CAMK1D: variants seen among roughly 807,000 people sequenced by gnomAD.
CAMK1D encodes the protein calcium/calmodulin dependent protein kinase ID.
CAMK1D carries 9 observed loss-of-function variants against 47.7 expected under a neutral mutation model. The observed-to-expected ratio is 0.19, with a 90% CI of 0.11 to 0.33. CAMK1D has a LOEUF of 0.33. Ranked by LOEUF, CAMK1D falls within the 10% of genes least tolerant of loss-of-function variation. CAMK1D has a pLI of 1.00. For synonymous variants in CAMK1D, 184 were observed against 184.9 expected (o/e 0.99, Z 0.04); for missense variants, 291 against 488.7 (o/e 0.60, Z 3.81).
intron 1 of CAMK1D, among the ~76,000 whole-genome samples, chr10:12,421,274 A>C (rs1468855676): frequency 6.6e-6 from 1 of 152,140 alleles, no homozygotes; most frequent in Non-Finnish European, 1.5e-5. Context: ...GCAGAGAAAA[A>C]TCCTATGAAT....
At chr10:12,427,489 G>C (rs568517074) in intron 1 of CAMK1D, among the ~76,000 whole-genome samples, 1 of 152,154 alleles carries the variant, frequency 6.6e-6, no homozygotes, top group South Asian at 2.1e-4. Context: ...AAGTGGCCTG[G>C]GTGACACCGT....
Position 12,391,055 on chromosome 10 carries a change from G to A in CAMK1D, c.92+41145G>A, listed in dbSNP as rs553986730. 4.6e-5 allele frequency among the ~76,000 whole-genome samples: 7 copies of A among 152,206 alleles called. No homozygotes were observed. In the South Asian group the frequency reaches 1.5e-3, roughly 32 times the overall value. On this transcript the variant is annotated intron_variant, in intron 1 of 10. Transcript: ENST00000619168. ...GCAAAAACTCCAGAGCTCAGTGTTGGGCCAACACTGTCTTCTCTCGTGAAT... is the reference window on the plus strand; with the variant it reads ...GCAAAAACTCCAGAGCTCAGTGTTGAGCCAACACTGTCTTCTCTCGTGAAT...
chr10:12,451,611 T>G (rs182387896), intron 1 of CAMK1D, among the ~76,000 whole-genome samples: 1 of 152,364 alleles, frequency 6.6e-6, no homozygotes, highest in African/African-American at 2.4e-5. Flanking sequence ...TTAATAAATA[T>G]TAATTGTCAT....
intron 1 of CAMK1D, among the ~76,000 whole-genome samples, chr10:12,493,727 C>G (rs1190990922): frequency 6.6e-6 from 1 of 152,280 alleles, no homozygotes; most frequent in East Asian, 1.9e-4. Flanking sequence ...CTCCTGACCT[C>G]TGGTGATCTG....
At chr10:12,725,995 G>C (rs911635268) in intron 3 of CAMK1D, among the ~76,000 whole-genome samples, 1 of 151,966 alleles carries the variant, frequency 6.6e-6, no homozygotes, top group Non-Finnish European at 1.5e-5. Flanking sequence ...GATCTCAGGT[G>C]ATCTGCCCAC....
At chr10:12,390,256 A>T (rs1253480043) in intron 1 of CAMK1D, among the ~76,000 whole-genome samples, 1 of 152,154 alleles carries the variant, frequency 6.6e-6, no homozygotes, top group Non-Finnish European at 1.5e-5. Context: ...ATTAAAAAAA[A>T]AGATGGGGTC....
intron 3 of CAMK1D, among the ~76,000 whole-genome samples, chr10:12,725,901 C>T (rs1264432545): frequency 1.3e-5 from 2 of 151,906 alleles, no homozygotes; most frequent in Admixed American, 6.6e-5. Context: ...GCATTACAGG[C>T]GCCCACCATC....
chr10:12,809,034 T>C (rs1832491272), intron 6 of CAMK1D, among the ~76,000 whole-genome samples: 1 of 151,948 alleles, frequency 6.6e-6, no homozygotes, highest in Admixed American at 6.5e-5. Flanking sequence ...GGAGAATTAC[T>C]TGAACCCAGC....
intron 2 of CAMK1D, among the ~76,000 whole-genome samples, chr10:12,646,832 T>A (rs560506034): frequency 1.2e-4 from 18 of 152,268 alleles, no homozygotes; most frequent in Middle Eastern, 3.4e-3. Flanking sequence ...TATTTATTTT[T>A]ATTTTTAATT....
intron 2 of CAMK1D, among the ~76,000 whole-genome samples, chr10:12,615,110 A>G (rs1011368375): frequency 6.6e-6 from 1 of 152,188 alleles, no homozygotes; most frequent in Non-Finnish European, 1.5e-5. Context: ...GAGAGCCCCA[A>G]AGGGTTCCTG....
intron 1 of CAMK1D, among the ~76,000 whole-genome samples, chr10:12,386,305 G>A (rs1436722716): frequency 1.3e-5 from 2 of 152,082 alleles, no homozygotes; most frequent in Admixed American, 1.3e-4. Context: ...TGGGTATGGT[G>A]GTGTGTGCCT....
intron 3 of CAMK1D, among the ~76,000 whole-genome samples, chr10:12,724,970 C>T (rs3995694): frequency 0.57 from 86,947 of 152,092 alleles, 26,878 homozygotes; most frequent in Non-Finnish European, 0.68. Flanking sequence ...AAAAAAGGCA[C>T]GTTTCTTTCA....
At chr10:12,774,249 A>G (rs1450195495) in intron 5 of CAMK1D, among the ~76,000 whole-genome samples, 1 of 151,952 alleles carries the variant, frequency 6.6e-6, no homozygotes, top group East Asian at 1.9e-4. Context: ...AAAGATGATA[A>G]GAAGTTTGTG....
intron 1 of CAMK1D, among the ~76,000 whole-genome samples, chr10:12,441,528 TA>T (rs111767948): frequency 0.6 from 88,608 of 146,598 alleles, 26,916 homozygotes; most frequent in African/African-American, 0.73. Context: ...TTCCTTTTGT[TA>T]AAAAAAAAAA....
At chr10:12,462,994 C>CAT (rs998104552) in intron 1 of CAMK1D, among the ~76,000 whole-genome samples, 1 of 152,210 alleles carries the variant, frequency 6.6e-6, no homozygotes, top group Non-Finnish European at 1.5e-5. Flanking sequence ...AAAAAATGAG[C>CAT]ATATGCCAGA....
At chr10:12,510,529 C>T (rs765732266) in intron 1 of CAMK1D, among the ~76,000 whole-genome samples, 17 of 152,364 alleles carry the variant, frequency 1.1e-4, no homozygotes, top group Admixed American at 3.3e-4. Context: ...AACACTCCTT[C>T]GAACAAGCAC....
chr10:12,818,317 G>A (rs746766676), intron 8 of CAMK1D, among the ~76,000 whole-genome samples: 3 of 152,084 alleles, frequency 2.0e-5, no homozygotes, highest in Non-Finnish European at 2.9e-5. Flanking sequence ...CTAATGTATT[G>A]TCTTCTTTTT....
chr10:12,651,918 A>G (rs180693949), intron 2 of CAMK1D, among the ~76,000 whole-genome samples: 327 of 151,966 alleles, frequency 2.2e-3, no homozygotes, highest in African/African-American at 7.1e-3. Context: ...AGCTGGGACT[A>G]CAGGTGCCCG....
chr10:12,796,694 T>C lies in CAMK1D; in HGVS notation c.641+5461T>C, dbSNP rs376022765. Among the ~76,000 whole-genome samples, 210 of 152,284 alleles carry C rather than the reference T, an allele frequency of 1.4e-3. 3 individuals carry two copies. Among genetic ancestry groups the C allele is most frequent in the African/African-American group, 4.8e-3 (199 of 41,570 alleles). On this transcript the variant is annotated intron_variant, in intron 6 of 10. Transcript: ENST00000619168. ...GAGGAGTGCTGACTTTAATAGGGAC[T>C]GTTCACTGATGTGGCCAGCGGGCAA...
Sources: gnomAD v4.1 joint callset for allele counts (sites outside exome capture counted in the v4.1 genomes callset) on GRCh38, gnomAD v4.1.1 for gene constraint, MANE v1.5 for transcripts, NCBI Gene and HGNC (gene_info 2026-07-23, HGNC 2026-07-21) for gene names.